Variants in ZNF865 observed in about 807,000 individuals in gnomAD.
The protein encoded by ZNF865 is zinc finger protein 865.
For missense variants in ZNF865, 1,311 were observed against 1,593.4 expected, an observed-to-expected ratio of 0.82 and a Z score of 3.02; for synonymous variants, 763 against 750.8, an observed-to-expected ratio of 1.02 and a Z score of -0.27.
At chr19:55,608,933 C>G (rs1450910172) in intron 1 of ZNF865, among the ~76,000 whole-genome samples, 1 of 152,158 alleles carries the variant, frequency 6.6e-6, no homozygotes, top group East Asian at 1.9e-4. Flanking sequence ...GGGAGAAATA[C>G]CGAAAGACAG....
In ZNF865 at chr19:55,617,030, C is replaced by A. The variant is rs373308103; in HGVS notation, c.*232C>A. 11 of 441,908 alleles carry A rather than the reference C, an allele frequency of 2.5e-5. No homozygotes were observed. The South Asian group carries it at 6.6e-4, about 27-fold the overall frequency. 27.4% of individuals were successfully genotyped at this position (441,908 alleles called of 1,614,324 possible). ...CACTGAACCCTATCCTCCGTCCAAC[C>A]CTCGTTTGTGACCCGCATCAGCCCC... is the stretch of plus-strand genomic sequence containing the variant. On this transcript the variant is annotated 3_prime_UTR_variant, in exon 2 of 2. Transcript: ENST00000568956.
chr19:55,612,393 TAA>T (rs1981170819), intron 1 of ZNF865: 1 of 152,172 alleles, frequency 6.6e-6, no homozygotes, highest in Admixed American at 6.6e-5. Flanking sequence ...CTATTAATAT[TAA>T]AAGAGTGCAC....
In ZNF865 at chr19:55,613,941, C is replaced by T. The variant is rs1372876777; in HGVS notation, c.323C>T (p.Ser108Leu). The change falls in exon 2 of 2, where the codon TCG (serine) becomes TTG (leucine). Residue 108 changes from serine to leucine, a missense_variant. Transcript: ENST00000568956. ...TCCTCCTCCTCCTCTTCGTCCTCCT[C>T]GTCGTCATCTTCGTCCTCTTCCTCT... is the stretch of plus-strand genomic sequence containing the variant. ...SSSSSSSSSS[S>L]SSSSSSSSSQ... is the part of the protein sequence containing the mutation. 7.8e-6 allele frequency: 12 copies of T among 1,532,666 alleles called. No individual in the cohort carries two copies. In the East Asian group the frequency reaches 1.7e-4, roughly 22 times the overall value. 94.9% of individuals were successfully genotyped at this position (1,532,666 alleles called of 1,614,324 possible). A position where few individuals can be genotyped will look rare whatever the true frequency, so the allele number is the denominator to read the frequency against.
Position 55,614,327 on chromosome 19 carries a change from TC to T in ZNF865, c.710del (p.Ser237CysfsTer157). The T allele has an allele frequency of 6.7e-7, 1 of 1,500,792 alleles. No individual in the cohort carries two copies. Among genetic ancestry groups the T allele is most frequent in the Non-Finnish European group, 8.8e-7 (1 of 1,130,012 alleles). 93.0% of individuals were successfully genotyped at this position (1,500,792 alleles called of 1,614,324 possible). A position where few individuals can be genotyped will look rare whatever the true frequency, so the allele number is the denominator to read the frequency against. Reference sequence around the variant, plus strand: ...GTGCCAGAAGTCCTTCAAGCAGTCCTCGCACCTGGTCCAGCACATGCTGGTG... The same window carrying T: ...GTGCCAGAAGTCCTTCAAGCAGTCCTGCACCTGGTCCAGCACATGCTGGTG... Reference protein sequence around the residue: ...GVCQKSFKQSSHLVQHMLVHS... With the variant: ...GVCQKSFKQSXHLVQHMLVHS... On this transcript the variant is annotated frameshift_variant, in exon 2 of 2. Transcript: ENST00000568956. LOFTEE classifies it low-confidence loss of function (END_TRUNC). This position sits in a 1 kb window ranked among gnomAD's most constrained non-coding sequence, Gnocchi z 8.0.
Position 55,616,752 on chromosome 19 carries a change from G to C in ZNF865, c.3134G>C (p.Gly1045Ala), listed in dbSNP as rs61738853. The C allele has an allele frequency of 7.3e-4, 1,072 of 1,476,702 alleles. 7 individuals are homozygous for C. The African/African-American group carries it at 0.013, about 19-fold the overall frequency. 91.5% of individuals were successfully genotyped at this position (1,476,702 alleles called of 1,614,324 possible). A position where few individuals can be genotyped will look rare whatever the true frequency, so the allele number is the denominator to read the frequency against. Residue 1045 changes from glycine (G) to alanine (A), a missense_variant, in exon 2 of 2, where the codon GGG (glycine) becomes GCG (alanine). Physicochemically the swap from Gly to Ala is moderately conservative, Grantham distance 60. Transcript: ENST00000568956. ...HRLAHKAENL[G>A]GPGAGAGTLA... ...CTGGCGCACAAGGCCGAGAACCTCG[G>C]GGGGCCTGGAGCAGGGGCGGGCACC...
At position 55,614,120 on chromosome 19, in the gene ZNF865, G is replaced by T; in HGVS notation, c.502G>T (p.Ala168Ser). The T allele has an allele frequency of 2.1e-6, 3 of 1,433,410 alleles. No homozygotes were observed. Among genetic ancestry groups the T allele is most frequent in the Non-Finnish European group, 2.7e-6 (3 of 1,103,090 alleles). The allele number at this position is 1,433,410 out of a possible 1,614,324, so 88.8% of individuals were successfully genotyped here. ...TGGGAACCTGAAGCGAGGAGGGCCC[G>T]CGTCCGGGCCGGGGGTGACGCCTGG... is the stretch of plus-strand genomic sequence containing the variant. Reference protein sequence around the residue: ...LFGNLKRGGPASGPGVTPGLG... With the variant: ...LFGNLKRGGPSSGPGVTPGLG... Residue 168 changes from alanine (A) to serine (S), a missense_variant, in exon 2 of 2, where the codon GCG (alanine) becomes TCG (serine). Physicochemically the swap from Ala to Ser is moderately conservative, Grantham distance 99. Coordinates refer to ENST00000568956, the MANE Select transcript of ZNF865 (RefSeq NM_001195605.2). This position sits in a 1 kb window ranked among gnomAD's most constrained non-coding sequence, Gnocchi z 8.0.
chr19:55,616,681 C>T lies in ZNF865; in HGVS notation c.3063C>T (p.Ser1021=), dbSNP rs1981372123. 6.5e-7 allele frequency: 1 copy of T among 1,530,554 alleles called. No individual in the cohort carries two copies. Among genetic ancestry groups the T allele is most frequent in the Non-Finnish European group, 8.7e-7 (1 of 1,144,520 alleles). 94.8% of individuals were successfully genotyped at this position (1,530,554 alleles called of 1,614,324 possible). A position where few individuals can be genotyped will look rare whatever the true frequency, so the allele number is the denominator to read the frequency against. Residue 1021 remains serine (S), a synonymous_variant, in exon 2 of 2, where the codon TCC becomes TCT. Transcript: ENST00000568956. ...GCGGCCGGCCCTTCCGCTGCTCCTC[C>T]TGCGGCGAGGGCTTCGCCAACACCT... ...HQGGRPFRCS[S]CGEGFANTYG... is the part of the protein sequence containing the mutation.
chr19:55,607,704 C>T (rs1052015325), intron 1 of ZNF865, among the ~76,000 whole-genome samples: 6 of 152,170 alleles, frequency 3.9e-5, no homozygotes, highest in African/African-American at 1.2e-4. Flanking sequence ...AAGCCACACA[C>T]CAAAAAGTTA....
Position 55,614,540 on chromosome 19 carries a change from G to T in ZNF865, c.922G>T (p.Ala308Ser), listed in dbSNP as rs1981273002. ...APAASAATAA[A>S]PSTVSSGPPA... ...CGCTGCCAGCGCCGCCACCGCCGCCGCCCCCTCCACGGTGTCCTCGGGCCC... is the reference window on the plus strand; with the variant it reads ...CGCTGCCAGCGCCGCCACCGCCGCCTCCCCCTCCACGGTGTCCTCGGGCCC... The change falls in exon 2 of 2, where the codon GCC (alanine) becomes TCC (serine). Residue 308 changes from alanine to serine, a missense_variant. Coordinates refer to ENST00000568956, the MANE Select transcript of ZNF865 (RefSeq NM_001195605.2). This position sits in a 1 kb window ranked among gnomAD's most constrained non-coding sequence, Gnocchi z 8.0. 7.3e-7 allele frequency: 1 copy of T among 1,369,780 alleles called. No individual in the cohort carries two copies. The highest frequency in any genetic ancestry group is 9.3e-7 in the Non-Finnish European group (1 of 1,070,156). The allele number at this position is 1,369,780 out of a possible 1,614,324, so 84.9% of individuals were successfully genotyped here. A position where few individuals can be genotyped will look rare whatever the true frequency, so the allele number is the denominator to read the frequency against.
At chr19:55,607,462 A>G (rs1980985412) in intron 1 of ZNF865, among the ~76,000 whole-genome samples, 1 of 150,232 alleles carries the variant, frequency 6.7e-6, no homozygotes, top group South Asian at 2.1e-4. Flanking sequence ...AAAAAAAAAA[A>G]GCTGGGTGTG....
Position 55,616,806 on chromosome 19 carries a change from G to A in ZNF865, c.*8G>A. ...GCCGGGAAGGATGCCTGACCGAGGG[G>A]TTCCCATCCCACTCCCATCAAAAGC... On this transcript the variant is annotated 3_prime_UTR_variant, in exon 2 of 2. Coordinates refer to ENST00000568956, the MANE Select transcript of ZNF865 (RefSeq NM_001195605.2). 3 of 1,439,038 alleles carry A rather than the reference G, an allele frequency of 2.1e-6. No individual in the cohort carries two copies. The South Asian group carries it at 4.4e-5, about 21-fold the overall frequency. 89.1% of individuals were successfully genotyped at this position (1,439,038 alleles called of 1,614,324 possible). A position where few individuals can be genotyped will look rare whatever the true frequency, so the allele number is the denominator to read the frequency against.
In ZNF865 at chr19:55,615,882, G is replaced by A. The variant is rs1029914446; in HGVS notation, c.2264G>A (p.Gly755Glu). 2.7e-6 allele frequency: 4 copies of A among 1,477,352 alleles called. No individual in the cohort carries two copies. The Admixed American group carries it at 9.4e-5, about 35-fold the overall frequency. The allele number at this position is 1,477,352 out of a possible 1,614,324, so 91.5% of individuals were successfully genotyped here. A position where few individuals can be genotyped will look rare whatever the true frequency, so the allele number is the denominator to read the frequency against. The stretch of plus-strand genomic sequence containing the variant: ...AGCGTGCTGGACAACGGGCTGGCGG[G>A]GGAGGTGGGGGCGGCCGTGGCGGCA... The part of the protein sequence containing the change: ...AASVLDNGLA[G>E]EVGAAVAALA... The change falls in exon 2 of 2, where the codon GGG (glycine) becomes GAG (glutamate). Residue 755 changes from glycine (G) to glutamate (E), a missense_variant. By Grantham distance (98) the Gly-to-Glu change is moderately conservative (BLOSUM62 -2). Transcript: ENST00000568956.
intron 1 of ZNF865, among the ~76,000 whole-genome samples, chr19:55,610,014 C>T (rs1243898157): frequency 6.6e-6 from 1 of 152,198 alleles, no homozygotes; most frequent in Non-Finnish European, 1.5e-5. Flanking sequence ...CTCATAACAT[C>T]ACTGTCCCCA....
Position 55,614,284 on chromosome 19 carries a change from G to A in ZNF865, c.666G>A (p.Arg222=), listed in dbSNP as rs905232304. ...YFRRLKYLME[R]RFPCGVCQKS... ...GGAGACTGAAGTACCTGATGGAGCG[G>A]CGCTTCCCCTGCGGCGTGTGCCAGA... The change falls in exon 2 of 2, where the codon CGG becomes CGA. Residue 222 remains arginine, a synonymous_variant. Coordinates refer to ENST00000568956, the MANE Select transcript of ZNF865 (RefSeq NM_001195605.2). The surrounding 1 kb of genome is among the most constrained non-coding windows in gnomAD (Gnocchi z 8.0). 2.6e-6 allele frequency: 4 copies of A among 1,513,900 alleles called. No homozygotes were observed. In the African/African-American group the frequency reaches 5.7e-5, roughly 22 times the overall value. The allele number at this position is 1,513,900 out of a possible 1,614,324, so 93.8% of individuals were successfully genotyped here.
Position 55,613,786 on chromosome 19 carries a change from G to A in ZNF865, c.168G>A (p.Ala56=), listed in dbSNP as rs1338792302. Residue 56 remains alanine (A), a synonymous_variant, in exon 2 of 2, where the codon GCG becomes GCA. Transcript: ENST00000568956. Reference sequence around the variant, plus strand: ...ATGGGGAACACGCCAAGGCGGTGGCGGCCCTGCCCTGCGCCCCCGGCCCCC... The same window carrying A: ...ATGGGGAACACGCCAAGGCGGTGGCAGCCCTGCCCTGCGCCCCCGGCCCCC... ...ELYGEHAKAV[A]ALPCAPGPPP... The A allele has an allele frequency of 2.0e-6, 3 of 1,531,634 alleles. No individual in the cohort carries two copies. The highest frequency in any genetic ancestry group is 2.4e-5 in the South Asian group (2 of 83,786). The allele number at this position is 1,531,634 out of a possible 1,614,324, so 94.9% of individuals were successfully genotyped here. A position where few individuals can be genotyped will look rare whatever the true frequency, so the allele number is the denominator to read the frequency against.
In ZNF865 at chr19:55,611,365, A is replaced by G. The variant is rs1981128222; in HGVS notation, c.-26-2228A>G. The stretch of plus-strand genomic sequence containing the variant: ...GCCCTCCCTCCCCATAGCGCCCTAA[A>G]TCACCCCCTATTCCCTGCATCCTTA... On this transcript the variant is annotated intron_variant, in intron 1 of 1. Coordinates refer to ENST00000568956, the MANE Select transcript of ZNF865 (RefSeq NM_001195605.2). This position sits in a 1 kb window ranked among gnomAD's most constrained non-coding sequence, Gnocchi z 4.5. 1.3e-5 allele frequency among the ~76,000 whole-genome samples: 2 copies of G among 151,768 alleles called. 1 individual carries two copies. The highest frequency in any genetic ancestry group is 4.2e-4 in the South Asian group (2 of 4,814).
In ZNF865 at chr19:55,615,888, TG is replaced by T; in HGVS notation, c.2275del (p.Ala759ArgfsTer50). The T allele has an allele frequency of 6.8e-7, 1 of 1,462,954 alleles. No individual in the cohort carries two copies. The highest frequency in any genetic ancestry group is 9.0e-7 in the Non-Finnish European group (1 of 1,114,896). The allele number at this position is 1,462,954 out of a possible 1,614,324, so 90.6% of individuals were successfully genotyped here. On this transcript the variant is annotated frameshift_variant, in exon 2 of 2. Coordinates refer to ENST00000568956, the MANE Select transcript of ZNF865 (RefSeq NM_001195605.2). LOFTEE classifies it low-confidence loss of function (END_TRUNC). ...CTGGACAACGGGCTGGCGGGGGAGG[TG>T]GGGGCGGCCGTGGCGGCACTGGCAG... ...SVLDNGLAGEVGAAVAALAGV... is the reference protein window; with the variant it reads ...SVLDNGLAGEXGAAVAALAGV...
rs948870205 is a variant in ZNF865 at position 55,611,967 on chromosome 19, T to G, written c.-26-1626T>G. ...GTCGTGTAAAGGAGGTGCCAGAGAATGATGCCGGGGGTGGAGGGTCAGGAG... is the reference window on the plus strand; with the variant it reads ...GTCGTGTAAAGGAGGTGCCAGAGAAGGATGCCGGGGGTGGAGGGTCAGGAG... On this transcript the variant is annotated intron_variant, in intron 1 of 1. Transcript: ENST00000568956. This position sits in a 1 kb window ranked among gnomAD's most constrained non-coding sequence, Gnocchi z 4.5. Among the ~76,000 whole-genome samples, 1 of 151,870 alleles carries G rather than the reference T, an allele frequency of 6.6e-6. No individual in the cohort carries two copies.
chr19:55,609,611 G>A (rs1981062249), intron 1 of ZNF865, among the ~76,000 whole-genome samples: 2 of 152,180 alleles, frequency 1.3e-5, no homozygotes, highest in Non-Finnish European at 2.9e-5. Flanking sequence ...CTCTTTATTG[G>A]CCACATGACC....
Sources: allele counts gnomAD v4.1 joint callset (sites outside exome capture counted in the v4.1 genomes callset), GRCh38; gene constraint gnomAD v4.1.1; non-coding constraint Gnocchi (gnomAD v3.1); transcripts MANE v1.5; gene names NCBI Gene and HGNC (gene_info 2026-07-23, HGNC 2026-07-21).